Variants in TRPM3 observed in about 807,000 individuals in gnomAD.
TRPM3 encodes transient receptor potential cation channel subfamily M member 3, also known as long transient receptor potential channel 3.
In TRPM3, 77 loss-of-function variants were observed where a neutral mutation model predicts 181.2. The observed-to-expected ratio is 0.42, with a 90% CI of 0.35 to 0.51. The LOEUF (loss-of-function observed/expected upper bound fraction) is 0.51. Among genes scored for constraint, TRPM3 ranks in the 20% least tolerant of loss-of-function variants. The pLI, the probability that TRPM3 is intolerant of heterozygous loss-of-function variation, is 0.01. For synonymous variants in TRPM3, 745 were observed against 796.4 expected, an observed-to-expected ratio of 0.94 and a Z score of 1.09; for missense variants, 1,759 against 2,196.7, an observed-to-expected ratio of 0.80 and a Z score of 3.98.
In TRPM3 at chr9:70,827,792, T is replaced by C. The variant is rs779227520; in HGVS notation, c.973+55A>G. On this transcript the variant is annotated intron_variant, in intron 6 of 25. Coordinates refer to ENST00000677713, the MANE Select transcript of TRPM3 (RefSeq NM_001366145.2). ...TTGCTGCATGGTGTACTTAAAGTTA[T>C]TCACTTTCAGCATACCTCCTACGAG... 20 of 1,574,694 alleles carry C rather than the reference T, an allele frequency of 1.3e-5. No individual in the cohort carries two copies. The South Asian group carries it at 2.0e-4, about 16-fold the overall frequency.
intron 1 of TRPM3, among the ~76,000 whole-genome samples, chr9:71,200,694 AC>A (rs1232518156): frequency 6.6e-6 from 1 of 152,028 alleles, no homozygotes; most frequent in East Asian, 1.9e-4. Flanking sequence ...TAGGATTGCA[AC>A]CCCTGCCTTT....
chr9:71,270,179 G>A lies in TRPM3; in HGVS notation c.183+176474C>T, dbSNP rs1426766714. Among the ~76,000 whole-genome samples the A allele has an allele frequency of 5.3e-5, 8 of 152,052 alleles. No individual in the cohort carries two copies. In the South Asian group the frequency reaches 6.2e-4, roughly 12 times the overall value. The stretch of plus-strand genomic sequence containing the variant: ...AGCCTGGCCAACGTGGGGAAACCCC[G>A]TCTCTACTAAAAATGCAAAAATTAG... On this transcript the variant is annotated intron_variant, in intron 1 of 24. Transcript: ENST00000357533.
At chr9:70,619,731 G>A (rs2063353412) in intron 16 of TRPM3, among the ~76,000 whole-genome samples, 1 of 152,044 alleles carries the variant, frequency 6.6e-6, no homozygotes, top group African/African-American at 2.4e-5. Flanking sequence ...CCTGTTAAAT[G>A]TGTCAAACTT....
chr9:70,781,326 TAAAA>T (rs35173071), intron 7 of TRPM3, among the ~76,000 whole-genome samples: 1,642 of 106,104 alleles, frequency 0.015, 31 homozygotes, highest in African/African-American at 0.054. Context: ...TTCCATTTCA[TAAAA>T]AAAAAAAAAA....
intron 1 of TRPM3, among the ~76,000 whole-genome samples, chr9:71,180,382 A>G (rs1470376794): frequency 6.6e-6 from 1 of 152,112 alleles, no homozygotes; most frequent in Non-Finnish European, 1.5e-5. Context: ...AGAAAGGGCT[A>G]TCATCCCCAA....
At position 71,319,490 on chromosome 9, in the gene TRPM3, G is replaced by A. The variant is rs547756468; in HGVS notation, c.183+127163C>T. Among the ~76,000 whole-genome samples the A allele has an allele frequency of 7.9e-5, 12 of 152,166 alleles. No individual in the cohort carries two copies. The East Asian group carries it at 1.4e-3, about 17-fold the overall frequency. On this transcript the variant is annotated intron_variant, in intron 1 of 24. Coordinates refer to the TRPM3 transcript ENST00000357533. ...AGAATGAATCTGCCCTTCCTCTACC[G>A]TTCTGTTTTATTTGGGCCCTAATGG...
chr9:70,969,351 C>T (rs1385827945), intron 1 of TRPM3, among the ~76,000 whole-genome samples: 3 of 151,882 alleles, frequency 2.0e-5, no homozygotes. Flanking sequence ...TACAGCAAAC[C>T]ACCATGTCAC....
rs569092554 is a variant in TRPM3, at chr9:71,139,908, C to T, written c.184-275397G>A. 1.2e-4 allele frequency among the ~76,000 whole-genome samples: 19 copies of T among 152,208 alleles called. No homozygotes were observed. The East Asian group carries it at 2.5e-3, about 20-fold the overall frequency. On this transcript the variant is annotated intron_variant, in intron 1 of 24. Coordinates refer to the TRPM3 transcript ENST00000357533. ...CAGGGAAATAAATGACATGGAGATT[C>T]GAGAAAAGAGCTTCCCTTCCTGAAA...
At chr9:70,937,379 T>C (rs2096838678) in intron 1 of TRPM3, among the ~76,000 whole-genome samples, 1 of 152,200 alleles carries the variant, frequency 6.6e-6, no homozygotes, top group Non-Finnish European at 1.5e-5. Flanking sequence ...TTTATGATTC[T>C]AAATGCAGTC....
intron 1 of TRPM3, among the ~76,000 whole-genome samples, chr9:70,867,444 A>G (rs1438741527): frequency 6.6e-6 from 1 of 152,106 alleles, no homozygotes; most frequent in East Asian, 1.9e-4. Context: ...TTCAGTAAAA[A>G]AGTAATTTAA....
In TRPM3 at chr9:70,576,578, G is replaced by A. The variant is rs113003541; in HGVS notation, c.3223+14453C>T. Among the ~76,000 whole-genome samples the A allele has an allele frequency of 9.8e-3, 1,478 of 150,478 alleles. 20 individuals are homozygous for A. Among genetic ancestry groups the A allele is most frequent in the African/African-American group, 0.034 (1,389 of 40,734 alleles). On this transcript the variant is annotated intron_variant, in intron 22 of 25. Coordinates refer to ENST00000677713, the MANE Select transcript of TRPM3 (RefSeq NM_001366145.2). ...CGCCCAGACTAGAGTGCAATGGTGCGATCTCGGCTCACTGCAACCTCTGCC... is the reference window on the plus strand; with the variant it reads ...CGCCCAGACTAGAGTGCAATGGTGCAATCTCGGCTCACTGCAACCTCTGCC...
intron 1 of TRPM3, among the ~76,000 whole-genome samples, chr9:71,097,053 G>A (rs1302347769): frequency 1.3e-5 from 2 of 152,010 alleles, no homozygotes; most frequent in Non-Finnish European, 2.9e-5. Context: ...CAACACTAGC[G>A]GTTTCCTATG....
intron 22 of TRPM3, among the ~76,000 whole-genome samples, chr9:70,578,298 C>CAAAA (rs56376771): frequency 8.6e-6 from 1 of 116,416 alleles, no homozygotes; most frequent in Non-Finnish European, 1.8e-5. Context: ...CTTTTGTATC[C>CAAAA]AAAAAAAAAA....
At chr9:71,149,215 C>T (rs1390588675) in intron 1 of TRPM3, among the ~76,000 whole-genome samples, 1 of 152,032 alleles carries the variant, frequency 6.6e-6, no homozygotes, top group Non-Finnish European at 1.5e-5. Flanking sequence ...GCCTAAGCAA[C>T]ATAGGGAGAT....
chr9:70,563,287 T>G (rs551811351), intron 22 of TRPM3, among the ~76,000 whole-genome samples: 3 of 152,322 alleles, frequency 2.0e-5, no homozygotes, highest in South Asian at 2.1e-4. Flanking sequence ...AGAAGAACCA[T>G]GCAGCCAACT....
intron 1 of TRPM3, among the ~76,000 whole-genome samples, chr9:71,151,469 C>A (rs1384172374): frequency 6.6e-6 from 1 of 152,000 alleles, no homozygotes; most frequent in Admixed American, 6.6e-5. Flanking sequence ...AAAAGACATA[C>A]ATATGTGAAG....
At chr9:70,564,629 A>G (rs2050064702) in intron 22 of TRPM3, among the ~76,000 whole-genome samples, 1 of 152,126 alleles carries the variant, frequency 6.6e-6, no homozygotes, top group Non-Finnish European at 1.5e-5. Context: ...AGAACCAGCA[A>G]CCTCATATCA....
chr9:71,005,009 T>C (rs1303743850), intron 1 of TRPM3, among the ~76,000 whole-genome samples: 1 of 152,204 alleles, frequency 6.6e-6, no homozygotes, highest in Non-Finnish European at 1.5e-5. Context: ...AACTTCTACA[T>C]ACTAGGAGTT....
intron 8 of TRPM3, among the ~76,000 whole-genome samples, chr9:70,693,980 A>G (rs2069394349): frequency 6.6e-6 from 1 of 152,234 alleles, no homozygotes; most frequent in African/African-American, 2.4e-5. Flanking sequence ...GGCAGGGTGT[A>G]TAAGCTCGCT....
Sources: gnomAD v4.1 joint callset for allele counts (sites outside exome capture counted in the v4.1 genomes callset) on GRCh38, gnomAD v4.1.1 for gene constraint, MANE v1.5 for transcripts, NCBI Gene and HGNC (gene_info 2026-07-23, HGNC 2026-07-21) for gene names.